Variants in DSCAM observed in about 807,000 individuals in gnomAD.
DSCAM encodes cell adhesion molecule DSCAM.
A neutral mutation model predicts 217.7 loss-of-function variants in DSCAM; 47 were observed. The ratio of observed to expected loss-of-function variants is 0.22; its 90% CI spans 0.17 to 0.28. The LOEUF is 0.28. Among genes scored for constraint, DSCAM ranks in the 10% least tolerant of loss-of-function variants. DSCAM has a pLI of 1.00. For synonymous variants in DSCAM, 1,056 were observed against 1,015.3 expected (o/e 1.04, Z -0.76); for missense variants, 2,080 against 2,618.3 (o/e 0.79, Z 4.49).
chr21:40,608,031 G>A (rs1039290632), intron 3 of DSCAM, among the ~76,000 whole-genome samples: 17 of 152,160 alleles, frequency 1.1e-4, no homozygotes, highest in African/African-American at 3.9e-4. Context: ...CTTGCTCTTG[G>A]TGTTGCCATC....
intron 3 of DSCAM, among the ~76,000 whole-genome samples, chr21:40,574,898 A>C (rs940966519): frequency 1.3e-5 from 2 of 152,082 alleles, no homozygotes; most frequent in Admixed American, 6.5e-5. Context: ...TAAGACTGCA[A>C]TAAAACATTA....
intron 3 of DSCAM, among the ~76,000 whole-genome samples, chr21:40,583,569 AAAGAG>A (rs1233282075): frequency 6.6e-6 from 1 of 152,108 alleles, no homozygotes; most frequent in Non-Finnish European, 1.5e-5. Context: ...GGGAAGGAAA[AAAGAG>A]AAGAGGATAA....
At chr21:40,307,101 A>G (rs1203013552) in intron 9 of DSCAM, among the ~76,000 whole-genome samples, 1 of 152,158 alleles carries the variant, frequency 6.6e-6, no homozygotes, top group Non-Finnish European at 1.5e-5. Flanking sequence ...ATTAAACTAA[A>G]GAGCTTCTGC....
At chr21:40,703,735 G>A (rs1478760630) in intron 2 of DSCAM, among the ~76,000 whole-genome samples, 1 of 152,106 alleles carries the variant, frequency 6.6e-6, no homozygotes, top group African/African-American at 2.4e-5. Context: ...GGGGTTTGTT[G>A]AGCTCCTTGG....
intron 1 of DSCAM, among the ~76,000 whole-genome samples, chr21:40,767,467 G>A (rs1021082126): frequency 2.0e-5 from 3 of 152,082 alleles, no homozygotes; most frequent in South Asian, 2.1e-4. Flanking sequence ...CTGCACCTTC[G>A]CCTGATGCCC....
At chr21:40,053,004 AAGAT>A (rs1179360004) in intron 29 of DSCAM, among the ~76,000 whole-genome samples, 1 of 152,196 alleles carries the variant, frequency 6.6e-6, no homozygotes, top group African/African-American at 2.4e-5. Context: ...TAAATTTTCA[AAGAT>A]TGCAGCCCAG....
intron 3 of DSCAM, among the ~76,000 whole-genome samples, chr21:40,492,857 T>G (rs915892686): frequency 2.0e-5 from 3 of 152,046 alleles, no homozygotes; most frequent in Non-Finnish European, 4.4e-5. Context: ...TAGGGAAAGG[T>G]ATAAATATAC....
chr21:40,063,360 T>G (rs2089152056), intron 27 of DSCAM, among the ~76,000 whole-genome samples: 1 of 152,184 alleles, frequency 6.6e-6, no homozygotes, highest in Non-Finnish European at 1.5e-5. Flanking sequence ...TAAATGTTCC[T>G]GGAAACTTAG....
rs541914467 is a variant in DSCAM, at chr21:40,072,470, C to T, written c.4888+2567G>A. ...CAAGCGATTCTCCTGCCTCAGCCTCCCAAGTAGTTGGGACTACAGGCGCCC... is the reference window on the plus strand; with the variant it reads ...CAAGCGATTCTCCTGCCTCAGCCTCTCAAGTAGTTGGGACTACAGGCGCCC... On this transcript the variant is annotated intron_variant, in intron 27 of 32. Transcript: ENST00000400454. Among the ~76,000 whole-genome samples, 464 of 152,000 alleles carry T rather than the reference C, an allele frequency of 3.1e-3. 3 individuals are homozygous for T. The highest frequency in any genetic ancestry group is 0.011 in the African/African-American group (441 of 41,420).
rs540936966 is a variant in DSCAM, at chr21:40,579,329, A to AG, written c.508+113480dup. ...AGACACAGAAGAAAAAGAAGCAGTG[A>AG]GGAAAAAAAGCTGATTTGATGAAAT... On this transcript the variant is annotated intron_variant, in intron 3 of 32. Transcript: ENST00000400454. Among the ~76,000 whole-genome samples, 4 of 152,286 alleles carry AG rather than the reference A, an allele frequency of 2.6e-5. No individual in the cohort carries two copies. The East Asian group carries it at 5.8e-4, about 22-fold the overall frequency.
chr21:40,335,427 TA>T (rs2074420398), intron 8 of DSCAM, among the ~76,000 whole-genome samples: 1 of 152,194 alleles, frequency 6.6e-6, no homozygotes, highest in African/African-American at 2.4e-5. Flanking sequence ...CTTTTGGCCA[TA>T]AGCTAGTTTG....
At chr21:40,385,488 G>A (rs140049737) in intron 3 of DSCAM, 115 of 152,304 alleles carry the variant, frequency 7.6e-4, no homozygotes, top group African/African-American at 2.1e-3. Context: ...TAAAACTGAC[G>A]TCAATTTTGC....
chr21:40,349,166 A>T (rs1398521595), intron 5 of DSCAM, among the ~76,000 whole-genome samples: 1 of 149,914 alleles, frequency 6.7e-6, no homozygotes, highest in Non-Finnish European at 1.5e-5. Context: ...GAAATGCAAC[A>T]TGCTGGCTAC....
intron 1 of DSCAM, among the ~76,000 whole-genome samples, chr21:40,734,986 T>C (rs2091049078): frequency 1.3e-5 from 2 of 152,204 alleles, no homozygotes; most frequent in Admixed American, 6.5e-5. Flanking sequence ...AAAACAGAAA[T>C]GCTGGTTGGT....
chr21:40,184,185 T>A (rs1442474383), intron 14 of DSCAM, among the ~76,000 whole-genome samples: 1 of 152,180 alleles, frequency 6.6e-6, no homozygotes, highest in Non-Finnish European at 1.5e-5. Context: ...AAGGATCAGT[T>A]TTCTATGTAC....
rs546404897 is a variant in DSCAM, at chr21:40,783,634, C to T, written c.43+62985G>A. ...ACGTGACACATAAAGAGGAAAAGGC[C>T]CACACCTCTCAAAAATCACTGCAAA... On this transcript the variant is annotated intron_variant, in intron 1 of 32. Transcript: ENST00000400454. 6.6e-5 allele frequency among the ~76,000 whole-genome samples: 10 copies of T among 152,216 alleles called. 1 individual carries two copies. In the East Asian group the frequency reaches 1.9e-3, roughly 29 times the overall value.
intron 20 of DSCAM, among the ~76,000 whole-genome samples, chr21:40,116,773 C>G (rs901215848): frequency 6.6e-6 from 1 of 151,078 alleles, no homozygotes; most frequent in East Asian, 1.9e-4. Flanking sequence ...GAGGCCGAGG[C>G]GGGCGGATCA....
At chr21:40,514,084 G>A (rs1187123149) in intron 3 of DSCAM, among the ~76,000 whole-genome samples, 5 of 152,120 alleles carry the variant, frequency 3.3e-5, no homozygotes, top group Admixed American at 1.3e-4. Context: ...GCATGAACTT[G>A]AAGGCACACA....
intron 3 of DSCAM, among the ~76,000 whole-genome samples, chr21:40,641,642 G>C (rs1422269049): frequency 6.6e-6 from 1 of 152,136 alleles, no homozygotes; most frequent in African/African-American, 2.4e-5. Context: ...AGAAGTTCTA[G>C]AATATCCTAA....
Sources: allele counts gnomAD v4.1 joint callset (sites outside exome capture counted in the v4.1 genomes callset), GRCh38; gene constraint gnomAD v4.1.1; transcripts MANE v1.5; gene names NCBI Gene and HGNC (gene_info 2026-07-23, HGNC 2026-07-21).